The following XRCC4 variants were observed in gnomAD, a reference collection of about 807,000 sequenced individuals.
XRCC4 encodes X-ray repair cross complementing 4, also known as DNA repair protein XRCC4.
In XRCC4, 28 loss-of-function variants were observed where a neutral mutation model predicts 39.1. That is an observed-to-expected ratio of 0.72 (90% CI 0.53 to 0.98). XRCC4 has a LOEUF of 0.98. Among genes scored for constraint, XRCC4 ranks in the 50% least tolerant of loss-of-function variants. The pLI is 0.00. For synonymous variants in XRCC4, 123 were observed against 126.4 expected (o/e 0.97, Z 0.18); for missense variants, 350 against 376.4 (o/e 0.93, Z 0.58).
At chr5:83,210,803 A>C (rs534945607) in intron 6 of XRCC4, among the ~76,000 whole-genome samples, 3 of 152,330 alleles carry the variant, frequency 2.0e-5, no homozygotes, top group Admixed American at 6.5e-5. Flanking sequence ...TTTCTGTTGA[A>C]GTCATCCCTG....
At chr5:83,111,778 A>G (rs572701186) in intron 3 of XRCC4, among the ~76,000 whole-genome samples, 1 of 152,244 alleles carries the variant, frequency 6.6e-6, no homozygotes, top group African/African-American at 2.4e-5. Flanking sequence ...AATTCAGATC[A>G]AGGCAGGTGG....
At chr5:83,226,564 T>C (rs1752298773) in intron 6 of XRCC4, among the ~76,000 whole-genome samples, 1 of 152,082 alleles carries the variant, frequency 6.6e-6, no homozygotes, top group Non-Finnish European at 1.5e-5. Flanking sequence ...AGCCAAACTA[T>C]GGGGAAATTT....
At chr5:83,148,007 C>G (rs1178828505) in intron 3 of XRCC4, among the ~76,000 whole-genome samples, 1 of 152,006 alleles carries the variant, frequency 6.6e-6, no homozygotes, top group Non-Finnish European at 1.5e-5. Context: ...AGGCTGTTCT[C>G]GAACTCCCGG....
At chr5:83,166,889 G>GT (rs1032882972) in intron 3 of XRCC4, among the ~76,000 whole-genome samples, 25 of 146,378 alleles carry the variant, frequency 1.7e-4, no homozygotes, top group Non-Finnish European at 1.8e-4. Context: ...TGGGTTTTTT[G>GT]TTTTTTTTTT....
intron 3 of XRCC4, 86 bp downstream of exon 3, chr5:83,111,289 T>C (rs772737621): frequency 2.7e-6 from 3 of 1,124,948 alleles, no homozygotes; most frequent in Non-Finnish European, 3.6e-6. Context: ...GACTACTATA[T>C]TATTCCCAGA....
chr5:83,120,941 C>T (rs1746980925), intron 3 of XRCC4, among the ~76,000 whole-genome samples: 1 of 152,104 alleles, frequency 6.6e-6, no homozygotes, highest in South Asian at 2.1e-4. Flanking sequence ...TTCCTTTCTC[C>T]CTCCTTCCTA....
intron 7 of XRCC4, among the ~76,000 whole-genome samples, chr5:83,329,489 A>T (rs1756369003): frequency 1.3e-5 from 2 of 150,186 alleles, no homozygotes; most frequent in Admixed American, 1.4e-4. Context: ...AAAAGCACAA[A>T]TAGTTTTGAA....
chr5:83,118,213 T>C (rs540382865), intron 3 of XRCC4, among the ~76,000 whole-genome samples: 26 of 152,228 alleles, frequency 1.7e-4, no homozygotes, highest in African/African-American at 6.3e-4. Flanking sequence ...TTTTCAGTGA[T>C]ATAAAAATCC....
chr5:83,236,095 C>T (rs1752677059), intron 6 of XRCC4, among the ~76,000 whole-genome samples: 1 of 152,006 alleles, frequency 6.6e-6, no homozygotes, highest in African/African-American at 2.4e-5. Context: ...AAAGATAATC[C>T]ATGTTCATGG....
At chr5:83,119,361 G>A (rs1327399479) in intron 3 of XRCC4, among the ~76,000 whole-genome samples, 2 of 152,142 alleles carry the variant, frequency 1.3e-5, no homozygotes, top group African/African-American at 2.4e-5. Context: ...AAAAGTATTT[G>A]TGTACATGTG....
chr5:83,289,691 C>T (rs1201726306), intron 7 of XRCC4, among the ~76,000 whole-genome samples: 1 of 151,798 alleles, frequency 6.6e-6, no homozygotes, highest in Non-Finnish European at 1.5e-5. Context: ...GTGACCTCTA[C>T]AAGTATTTCT....
At chr5:83,144,549 C>G (rs1327850598) in intron 3 of XRCC4, among the ~76,000 whole-genome samples, 2 of 9,544 alleles carry the variant, frequency 2.1e-4, no homozygotes, top group Non-Finnish European at 4.3e-4. Flanking sequence ...TTTGTGTCTC[C>G]CCACCCCCCC....
At chr5:83,171,067 C>T (rs959573803) in intron 3 of XRCC4, among the ~76,000 whole-genome samples, 1 of 152,106 alleles carries the variant, frequency 6.6e-6, no homozygotes, top group Non-Finnish European at 1.5e-5. Flanking sequence ...TAAATTCACT[C>T]TAATAGACCT....
At chr5:83,142,048 C>T (rs1443392814) in intron 3 of XRCC4, among the ~76,000 whole-genome samples, 1 of 152,142 alleles carries the variant, frequency 6.6e-6, no homozygotes, top group Non-Finnish European at 1.5e-5. Flanking sequence ...AAACTGTTGT[C>T]TCCTTTCTTG....
chr5:83,087,635 T>A (rs191256654), intron 1 of XRCC4, among the ~76,000 whole-genome samples: 1,541 of 151,914 alleles, frequency 0.01, 19 homozygotes, highest in African/African-American at 0.036. Flanking sequence ...TGTACTCCAG[T>A]CTGGGTGACA....
intron 7 of XRCC4, chr5:83,310,891 C>T (rs1292525322): frequency 4.4e-6 from 2 of 455,500 alleles, no homozygotes; most frequent in Non-Finnish European, 8.8e-6. Context: ...GGAACGTGAG[C>T]CAACAGATCC....
the XRCC4 span, among the ~76,000 whole-genome samples, chr5:83,361,302 C>T: frequency 6.6e-6 from 1 of 152,178 alleles, no homozygotes; most frequent in Non-Finnish European, 1.5e-5. Flanking sequence ...AACACCCTAT[C>T]CTTGGACCTT....
intron 3 of XRCC4, among the ~76,000 whole-genome samples, chr5:83,146,600 G>A (rs551004984): frequency 6.6e-6 from 1 of 152,290 alleles, no homozygotes; most frequent in South Asian, 2.1e-4. Context: ...TTCTGTGAGA[G>A]CAGGGACAGG....
At chr5:83,339,680 A>C (rs1158861501) in intron 7 of XRCC4, among the ~76,000 whole-genome samples, 1 of 152,162 alleles carries the variant, frequency 6.6e-6, no homozygotes, top group African/African-American at 2.4e-5. Context: ...TTTCATGTAA[A>C]GCCTAGAGAA....
Sources: allele counts gnomAD v4.1 joint callset (sites outside exome capture counted in the v4.1 genomes callset), GRCh38; gene constraint gnomAD v4.1.1; transcripts MANE v1.5; gene names NCBI Gene and HGNC (gene_info 2026-07-23, HGNC 2026-07-21).